POLA1: variants seen among roughly 807,000 people sequenced by gnomAD.
POLA1 encodes DNA polymerase alpha catalytic subunit.
A neutral mutation model predicts 124.0 loss-of-function variants in POLA1; 15 were observed. That is an observed-to-expected ratio of 0.12 (90% CI 0.08 to 0.19). The LOEUF (loss-of-function observed/expected upper bound fraction) is 0.19. Ranked by LOEUF, POLA1 falls within the 10% of genes least tolerant of loss-of-function variation. The pLI is 1.00. For synonymous variants in POLA1, 408 were observed against 389.4 expected (o/e 1.05, Z -0.56); for missense variants, 886 against 1,103.4 (o/e 0.80, Z 2.79).
chrX:24,955,113 T>C (rs1023472195), intron 36 of POLA1, among the ~76,000 whole-genome samples: 1 of 111,139 alleles, frequency 9.0e-6, no homozygotes, highest in Non-Finnish European at 1.9e-5. Context: ...TTTTTGTTTG[T>C]TTTTTGTTTG....
At chrX:24,746,638 C>T (rs749555119) in intron 24 of POLA1, among the ~76,000 whole-genome samples, 10 of 112,216 alleles carry the variant, frequency 8.9e-5, no homozygotes, top group Non-Finnish European at 1.9e-4. Flanking sequence ...CCTGACTCCA[C>T]ATCTTTCAGT....
chrX:24,898,838 A>G (rs2047238911), intron 35 of POLA1, among the ~76,000 whole-genome samples: 1 of 111,445 alleles, frequency 9.0e-6, no homozygotes, highest in Non-Finnish European at 1.9e-5. Flanking sequence ...ACTTCAGCGC[A>G]TTTCATTGTT....
chrX:24,819,415 A>C (rs2046049454), intron 30 of POLA1, among the ~76,000 whole-genome samples: 1 of 109,542 alleles, frequency 9.1e-6, no homozygotes, highest in South Asian at 4.0e-4. Flanking sequence ...TTTTTGAGAA[A>C]TTGTCTGCCA....
In POLA1 at chrX:24,817,607, C is replaced by CAAA. The variant is rs1171262514; in HGVS notation, c.3429+2513_3429+2515dup. ...TGGGCGACAGAGCAAGATTCCATCT[C>CAAA]AAAAAAAAAAAAAAAAAAAGAAAAG... is the stretch of plus-strand genomic sequence containing the variant. On this transcript the variant is annotated intron_variant, in intron 30 of 36. Transcript: ENST00000379068. 1.5e-3 allele frequency among the ~76,000 whole-genome samples: 49 copies of CAAA among 33,466 alleles called. 1 individual carries two copies. Among genetic ancestry groups the CAAA allele is most frequent in the East Asian group, 7.7e-3 (7 of 910 alleles). The allele number at this position is 33,466 out of a possible 115,157, so 29.1% of individuals were successfully genotyped here.
intron 35 of POLA1, among the ~76,000 whole-genome samples, chrX:24,898,300 G>A (rs1022121933): frequency 7.1e-5 from 8 of 111,961 alleles, no homozygotes; most frequent in South Asian, 3.7e-4. Context: ...AATTCAAAGC[G>A]AGTCCATTTA....
chrX:24,934,058 A>G (rs1043348189), intron 36 of POLA1, among the ~76,000 whole-genome samples: 16 of 111,913 alleles, frequency 1.4e-4, no homozygotes, highest in East Asian at 2.8e-4. Context: ...GGGGCAATCT[A>G]TGAAGTAAAA....
At chrX:24,903,921 T>C (rs2147164953) in intron 35 of POLA1, among the ~76,000 whole-genome samples, 1 of 108,381 alleles carries the variant, frequency 9.2e-6, no homozygotes, top group Admixed American at 9.9e-5. Flanking sequence ...TTTTTTTTTT[T>C]CTTTTTTCTT....
chrX:24,694,088 C>T (rs1335411343), intron 1 of POLA1, 84 bp downstream of exon 1: 3 of 949,466 alleles, frequency 3.2e-6, no homozygotes, highest in African/African-American at 2.0e-5. Flanking sequence ...GAGGCGCACA[C>T]CCGGGTTTGT....
At chrX:24,910,791 C>A (rs1293015059) in intron 35 of POLA1, among the ~76,000 whole-genome samples, 2 of 111,705 alleles carry the variant, frequency 1.8e-5, no homozygotes, top group Non-Finnish European at 3.8e-5. Flanking sequence ...AATAGATAAT[C>A]CACAATTATA....
chrX:24,876,650 G>A (rs1212232573), intron 34 of POLA1, among the ~76,000 whole-genome samples: 1 of 85,234 alleles, frequency 1.2e-5, no homozygotes, highest in African/African-American at 4.5e-5. Context: ...GGGGATGTTT[G>A]TTCTCTAAGC....
intron 29 of POLA1, among the ~76,000 whole-genome samples, chrX:24,814,010 T>C (rs1054833115): frequency 1.8e-5 from 2 of 111,626 alleles, no homozygotes; most frequent in African/African-American, 6.5e-5. Context: ...TGAACAATTA[T>C]TGCTTCTGCA....
chrX:24,737,854 C>A, intron 19 of POLA1, 113 bp downstream of exon 19: 2 of 390,132 alleles, frequency 5.1e-6, no homozygotes, highest in Non-Finnish European at 9.0e-6. Flanking sequence ...ATGGGAACTT[C>A]AGTACATTTT....
At position 24,739,421 on chromosome X, in the gene POLA1, T is replaced by C. The variant is rs1302937269; in HGVS notation, c.2087T>C (p.Ile696Thr). 8.3e-7 allele frequency: 1 copy of C among 1,199,121 alleles called. No homozygotes were observed. The highest frequency in any genetic ancestry group is 1.8e-5 in the African/African-American group (1 of 56,881). The change falls in exon 20 of 37, where the codon ATC (isoleucine) becomes ACC (threonine). Residue 696 changes from isoleucine to threonine, a missense_variant. Transcript: ENST00000379068. ...AGAAATGCTACCTGTGGTCGAATGA[T>C]CTGTGATGTGGAAATTTCAGCAAAG... Reference protein sequence around the residue: ...GERNATCGRMICDVEISAKEL... With the variant: ...GERNATCGRMTCDVEISAKEL...
Position 24,716,875 on chromosome X carries a change from C to T in POLA1, c.619-9C>T, listed in dbSNP as rs766117368. On this transcript the variant is annotated splice_polypyrimidine_tract_variant and intron_variant, in intron 7 of 36. Transcript: ENST00000379068. ...GTCTAACTGACTAAATATTTAAAAA[C>T]GTTTACAGGCAGTTCCTTCAGGAAA... The T allele has an allele frequency of 7.0e-6, 8 of 1,143,137 alleles. No homozygotes were observed. The highest frequency in any genetic ancestry group is 8.4e-6 in the Non-Finnish European group (7 of 835,903). 94.2% of individuals were successfully genotyped at this position (1,143,137 alleles called of 1,213,427 possible). A position where few individuals can be genotyped will look rare whatever the true frequency, so the allele number is the denominator to read the frequency against.
Position 24,750,898 on chromosome X carries a change from T to TA in POLA1, c.2964+1907dup, listed in dbSNP as rs1366835602. Among the ~76,000 whole-genome samples, 5 of 111,702 alleles carry TA rather than the reference T, an allele frequency of 4.5e-5. No homozygotes were observed. The Admixed American group carries it at 4.7e-4, about 11-fold the overall frequency. ...CAGGTCTCTTTTTACATGAGAAAGA[T>TA]ATAGGTGTTTTAGGGGCTAGTTGAA... On this transcript the variant is annotated intron_variant, in intron 26 of 36. Coordinates refer to ENST00000379068, the MANE Select transcript of POLA1 (RefSeq NM_001330360.2).
intron 35 of POLA1, among the ~76,000 whole-genome samples, chrX:24,913,236 A>T (rs2047476306): frequency 8.9e-6 from 1 of 111,914 alleles, no homozygotes; most frequent in African/African-American, 3.2e-5. Flanking sequence ...ATAAGCCAAG[A>T]CTCAAGGGTA....
chrX:24,718,875 G>A (rs1930020149), intron 10 of POLA1, among the ~76,000 whole-genome samples: 1 of 111,629 alleles, frequency 9.0e-6, no homozygotes, highest in Admixed American at 9.5e-5. Context: ...CTTGTTAATG[G>A]ATTGGATGGG....
intron 36 of POLA1, among the ~76,000 whole-genome samples, chrX:24,972,592 C>T (rs989542194): frequency 9.0e-6 from 1 of 111,678 alleles, no homozygotes; most frequent in Non-Finnish European, 1.9e-5. Flanking sequence ...TTCCAAGTCC[C>T]GGGAAAAGGC....
intron 28 of POLA1, among the ~76,000 whole-genome samples, chrX:24,811,015 T>C (rs777381333): frequency 1.8e-5 from 2 of 111,637 alleles, no homozygotes; most frequent in African/African-American, 6.5e-5. Flanking sequence ...AGTGGTGCGA[T>C]CAGGGCTTGC....
Sources: gnomAD v4.1 joint callset for allele counts (sites outside exome capture counted in the v4.1 genomes callset) on GRCh38, gnomAD v4.1.1 for gene constraint, MANE v1.5 for transcripts, NCBI Gene and HGNC (gene_info 2026-07-23, HGNC 2026-07-21) for gene names.